The following SHTN1 variants were observed in gnomAD, a reference collection of about 807,000 sequenced individuals.
The protein encoded by SHTN1 is shootin 1.
SHTN1 carries 42 observed loss-of-function variants against 83.1 expected under a neutral mutation model. The ratio of observed to expected loss-of-function variants is 0.51; its 90% CI spans 0.39 to 0.65. The LOEUF is 0.65. SHTN1 is among the 30% of genes least tolerant of loss of function. The probability of loss-of-function intolerance (pLI) is 0.00; values close to 1 mark genes in which losing one functional copy is unlikely to be tolerated. For synonymous variants in SHTN1, 224 were observed against 247.7 expected (o/e 0.90, Z 0.90); for missense variants, 622 against 737.8 (o/e 0.84, Z 1.82).
intron 11 of SHTN1, among the ~76,000 whole-genome samples, chr10:116,922,376 T>C (rs556347504): frequency 6.6e-6 from 1 of 152,006 alleles, no homozygotes; most frequent in African/African-American, 2.4e-5. Flanking sequence ...AAATTAATAG[T>C]ACATTTCACT....
intron 3 of SHTN1, among the ~76,000 whole-genome samples, chr10:116,963,210 T>C (rs1475026970): frequency 6.7e-6 from 1 of 150,144 alleles, no homozygotes; most frequent in East Asian, 2.0e-4. Context: ...TAGCTGGGAC[T>C]ACAGGCGCCC....
intron 1 of SHTN1, among the ~76,000 whole-genome samples, chr10:117,123,271 G>A (rs371733968): frequency 6.6e-6 from 1 of 152,126 alleles, no homozygotes; most frequent in Non-Finnish European, 1.5e-5. Flanking sequence ...CAATACGTGG[G>A]TTCTTTAAAA....
upstream of SHTN1, among the ~76,000 whole-genome samples, chr10:117,009,967 T>C (rs1055487131): frequency 6.6e-6 from 1 of 151,506 alleles, no homozygotes; most frequent in African/African-American, 2.4e-5. Context: ...GAGAAATTTA[T>C]AGTTCTAATT....
At chr10:117,115,189 T>G (rs1363255155) in intron 1 of SHTN1, among the ~76,000 whole-genome samples, 2 of 152,240 alleles carry the variant, frequency 1.3e-5, no homozygotes, top group Admixed American at 6.5e-5. Context: ...AGATTCTCTA[T>G]CCAGTATGGG....
At chr10:117,077,453 TC>T (rs1853177003) in intron 1 of SHTN1, among the ~76,000 whole-genome samples, 1 of 152,026 alleles carries the variant, frequency 6.6e-6, no homozygotes, top group Admixed American at 6.6e-5. Context: ...ATCACCAAAA[TC>T]TTTTTTTTTT....
chr10:116,969,620 A>G (rs1345010395), intron 2 of SHTN1, among the ~76,000 whole-genome samples: 1 of 152,236 alleles, frequency 6.6e-6, no homozygotes, highest in Non-Finnish European at 1.5e-5. Flanking sequence ...TTTTAATTTA[A>G]AAAGGTGGGA....
chr10:117,016,547 C>T (rs536374825), intron 2 of SHTN1, among the ~76,000 whole-genome samples: 4 of 152,246 alleles, frequency 2.6e-5, no homozygotes, highest in East Asian at 3.9e-4. Flanking sequence ...GCTGGAACTA[C>T]GGGCGTGTGC....
intron 1 of SHTN1, among the ~76,000 whole-genome samples, chr10:117,065,789 GA>G (rs1852982335): frequency 7.9e-5 from 1 of 12,636 alleles, no homozygotes; most frequent in African/African-American, 2.8e-4. Context: ...AGAAAGGAAG[GA>G]AGGAAGGAAG....
intron 2 of SHTN1, among the ~76,000 whole-genome samples, chr10:116,976,952 A>G (rs1019595902): frequency 2.6e-5 from 4 of 152,356 alleles, no homozygotes; most frequent in Middle Eastern, 3.4e-3. Flanking sequence ...AGATGTCATG[A>G]AAGTATTAGG....
At chr10:116,928,341 A>G (rs1848820520) in intron 10 of SHTN1, among the ~76,000 whole-genome samples, 1 of 152,220 alleles carries the variant, frequency 6.6e-6, no homozygotes, top group African/African-American at 2.4e-5. Context: ...TTCCTTCAAA[A>G]ACTGCAAATA....
At chr10:116,986,567 ACTC>A (rs1311933880) in intron 1 of SHTN1, among the ~76,000 whole-genome samples, 1 of 151,534 alleles carries the variant, frequency 6.6e-6, no homozygotes, top group African/African-American at 2.4e-5. Flanking sequence ...TTTCCCTACT[ACTC>A]TGGCAGGTGG....
intron 1 of SHTN1, among the ~76,000 whole-genome samples, chr10:117,102,681 G>A (rs1479755017): frequency 1.3e-5 from 2 of 151,848 alleles, no homozygotes; most frequent in African/African-American, 2.4e-5. Flanking sequence ...AAGAGTCCAA[G>A]CAGGAAAGGC....
At chr10:117,123,775 G>A (rs990533493) in intron 1 of SHTN1, among the ~76,000 whole-genome samples, 2 of 151,736 alleles carry the variant, frequency 1.3e-5, no homozygotes, top group African/African-American at 4.8e-5. Flanking sequence ...TGGGCGTAGT[G>A]GTGCATGTCT....
intron 1 of SHTN1, among the ~76,000 whole-genome samples, chr10:117,099,142 C>CT (rs1360071960): frequency 2.0e-5 from 3 of 151,974 alleles, no homozygotes; most frequent in Non-Finnish European, 2.9e-5. Flanking sequence ...AAAAAATACT[C>CT]TATGTTCTCA....
At chr10:117,052,188 A>C (rs1472750190) in intron 1 of SHTN1, among the ~76,000 whole-genome samples, 1 of 151,460 alleles carries the variant, frequency 6.6e-6, no homozygotes, top group African/African-American at 2.4e-5. Context: ...ATAGCATCAA[A>C]AGGATCAAAA....
chr10:116,933,326 C>A (rs781154624), intron 9 of SHTN1, among the ~76,000 whole-genome samples: 1 of 151,736 alleles, frequency 6.6e-6, no homozygotes, highest in African/African-American at 2.4e-5. Flanking sequence ...CTTGCCCCCA[C>A]CCCCCGACAG....
At chr10:116,915,592 T>C in intron 12 of SHTN1, 108 bp from the exon 13 acceptor site, 1 of 666,916 alleles carries the variant, frequency 1.5e-6, no homozygotes, top group Non-Finnish European at 2.7e-6. Context: ...ACAGTCATTT[T>C]TCATTCACAG....
chr10:116,903,374 A>C (rs1412613464), intron 15 of SHTN1, among the ~76,000 whole-genome samples: 1 of 152,066 alleles, frequency 6.6e-6, no homozygotes, highest in Non-Finnish European at 1.5e-5. Flanking sequence ...CTCTACTAGA[A>C]ATCAGCCAGG....
chr10:117,056,186 A>T (rs1024185880), intron 1 of SHTN1, among the ~76,000 whole-genome samples: 1 of 152,234 alleles, frequency 6.6e-6, no homozygotes, highest in Non-Finnish European at 1.5e-5. Flanking sequence ...AAGAAAGTAA[A>T]AGATGAAGGA....
Sources: allele counts gnomAD v4.1 joint callset (sites outside exome capture counted in the v4.1 genomes callset), GRCh38; gene constraint gnomAD v4.1.1; transcripts MANE v1.5; gene names NCBI Gene and HGNC (gene_info 2026-07-23, HGNC 2026-07-21).